The following ARID1B variants were observed in gnomAD, a reference collection of about 807,000 sequenced individuals.
The protein encoded by ARID1B is AT-rich interaction domain 1B.
Under a neutral mutation model 212.3 loss-of-function variants are expected in ARID1B, and 30 were observed. The ratio of observed to expected loss-of-function variants is 0.14; its 90% confidence interval spans 0.11 to 0.19. The LOEUF (loss-of-function observed/expected upper bound fraction) is 0.19, where lower values mean the gene tolerates loss of function less well. Among genes scored for constraint, ARID1B ranks in the 10% least tolerant of loss-of-function variants. ARID1B has a pLI of 1.00. For missense variants in ARID1B, 2,891 were observed against 3,204.0 expected (o/e 0.90, Z 2.36); for synonymous variants, 1,402 against 1,301.7 (o/e 1.08, Z -1.66).
At chr6:157,054,428 AAAT>A (rs1217009875) in intron 4 of ARID1B, among the ~76,000 whole-genome samples, 1 of 152,188 alleles carries the variant, frequency 6.6e-6, no homozygotes, top group East Asian at 1.9e-4. Flanking sequence ...TAGTTTTTTG[AAAT>A]AATGTGTTTG....
chr6:156,860,055 T>A (rs1785218923), intron 2 of ARID1B, among the ~76,000 whole-genome samples: 1 of 152,222 alleles, frequency 6.6e-6, no homozygotes, highest in South Asian at 2.1e-4. Context: ...TCCTGCTCAG[T>A]CAGTTTGTTA....
intron 4 of ARID1B, among the ~76,000 whole-genome samples, chr6:157,070,762 T>C (rs981411440): frequency 6.6e-6 from 1 of 152,208 alleles, no homozygotes; most frequent in Non-Finnish European, 1.5e-5. Flanking sequence ...TTTACGAGCA[T>C]GTGAATTTTT....
At chr6:157,066,493 C>A (rs1303624443) in intron 4 of ARID1B, among the ~76,000 whole-genome samples, 2 of 152,088 alleles carry the variant, frequency 1.3e-5, no homozygotes. Context: ...ATATAAATAT[C>A]TCAATGAAGA....
At chr6:157,154,872 C>T (rs769194325) in intron 8 of ARID1B, among the ~76,000 whole-genome samples, 8 of 152,146 alleles carry the variant, frequency 5.3e-5, no homozygotes, top group African/African-American at 7.2e-5. Flanking sequence ...TGAGCTACTG[C>T]GCCCGGCCTG....
At chr6:157,020,254 G>A (rs927407870) in intron 4 of ARID1B, among the ~76,000 whole-genome samples, 15 of 152,146 alleles carry the variant, frequency 9.9e-5, no homozygotes, top group African/African-American at 3.6e-4. Flanking sequence ...GACCTAAAAT[G>A]TAGTTAGTTC....
chr6:157,053,991 G>A (rs1006842101), intron 4 of ARID1B, among the ~76,000 whole-genome samples: 5 of 152,346 alleles, frequency 3.3e-5, no homozygotes, highest in Admixed American at 3.3e-4. Context: ...TTGGGAGGCT[G>A]AGATGGGTGG....
rs773913163 is a variant in ARID1B, at chr6:157,203,454, G to A, written c.5264-412G>A. ...TGCATACTTGGCGGCCTTCCAGGACGCCACCTTGAGACACTCGTGAGTGGT... is the reference window on the plus strand; with the variant it reads ...TGCATACTTGGCGGCCTTCCAGGACACCACCTTGAGACACTCGTGAGTGGT... On this transcript the variant is annotated intron_variant, in intron 18 of 19. Transcript: ENST00000636930. The surrounding 1 kb of genome is among the most constrained non-coding windows in gnomAD (Gnocchi z 4.4). Among the ~76,000 whole-genome samples the A allele has an allele frequency of 3.9e-5, 6 of 152,194 alleles. No homozygotes were observed. The highest frequency in any genetic ancestry group is 9.7e-5 in the African/African-American group (4 of 41,430).
intron 2 of ARID1B, among the ~76,000 whole-genome samples, chr6:156,853,623 G>A (rs1784723516): frequency 6.6e-6 from 1 of 152,032 alleles, no homozygotes; most frequent in South Asian, 2.1e-4. Flanking sequence ...CACCTTTATG[G>A]CACAGTACTC....
At chr6:157,010,349 G>A (rs1339905689) in intron 4 of ARID1B, among the ~76,000 whole-genome samples, 1 of 146,058 alleles carries the variant, frequency 6.8e-6, no homozygotes, top group Non-Finnish European at 1.5e-5. Context: ...TTTTGAGATG[G>A]AGACTAGCTC....
chr6:157,181,955 A>G (rs559196791), intron 12 of ARID1B, among the ~76,000 whole-genome samples: 1 of 152,320 alleles, frequency 6.6e-6, no homozygotes, highest in South Asian at 2.1e-4. Context: ...GTGTAACAAA[A>G]TCAAGTACAG....
Position 156,901,434 on chromosome 6 carries a change from C to T in ARID1B, c.2045C>T (p.Pro682Leu). The change falls in exon 3 of 20, where the codon CCA becomes CTA. Residue 682 changes from proline to leucine, a missense_variant. Coordinates refer to ENST00000636930, the MANE Select transcript of ARID1B (RefSeq NM_001374828.1). ...VSGYCQQGQQ[P>L]YYSQQPQPPH... The stretch of plus-strand genomic sequence containing the variant: ...GGTTACTGCCAGCAGGGCCAACAGC[C>T]ATATTACAGCCAGCAGCCGCAGCCC... 3 of 1,614,130 alleles carry T rather than the reference C, an allele frequency of 1.9e-6. No individual in the cohort carries two copies. The highest frequency in any genetic ancestry group is 2.5e-6 in the Non-Finnish European group (3 of 1,180,034).
chr6:157,145,088 T>C (rs1042289032), intron 7 of ARID1B, among the ~76,000 whole-genome samples: 4 of 152,144 alleles, frequency 2.6e-5, no homozygotes, highest in African/African-American at 9.7e-5. Context: ...TCTTTCCCAG[T>C]TCCTCAGATC....
chr6:156,904,896 T>A (rs984154778), intron 3 of ARID1B, among the ~76,000 whole-genome samples: 23 of 152,340 alleles, frequency 1.5e-4, no homozygotes, highest in African/African-American at 5.5e-4. Flanking sequence ...ATTTCATGTT[T>A]AGTCTTGGGT....
chr6:157,142,655 C>T (rs534204205), intron 7 of ARID1B, among the ~76,000 whole-genome samples: 1 of 151,614 alleles, frequency 6.6e-6, no homozygotes, highest in Admixed American at 6.6e-5. Flanking sequence ...AAAACAACAA[C>T]AAAAAAAACA....
intron 4 of ARID1B, among the ~76,000 whole-genome samples, chr6:157,077,390 T>C (rs1784374285): frequency 6.6e-6 from 1 of 152,202 alleles, no homozygotes; most frequent in Non-Finnish European, 1.5e-5. Context: ...TGTAGGCCCC[T>C]GTTCCTTGGC....
At chr6:157,037,756 T>G (rs1474670301) in intron 4 of ARID1B, among the ~76,000 whole-genome samples, 2 of 152,106 alleles carry the variant, frequency 1.3e-5, no homozygotes, top group African/African-American at 2.4e-5. Flanking sequence ...CAGAGACCAG[T>G]CAAAAGCAGT....
rs556066900 is a variant in ARID1B at position 156,815,188 on chromosome 6, C to A, written c.1792-14039C>A. On this transcript the variant is annotated intron_variant, in intron 1 of 19. Transcript: ENST00000636930. ...GAAATGGCTGGCAGTAGACAAGTAG[C>A]ATGCCACTGTAAGATAGTGCTCTTT... Among the ~76,000 whole-genome samples the A allele has an allele frequency of 5.8e-4, 88 of 152,240 alleles. 1 individual carries two copies. Among genetic ancestry groups the A allele is most frequent in the Middle Eastern group, 3.4e-3 (1 of 294 alleles).
At chr6:156,922,917 G>A (rs955563664) in intron 3 of ARID1B, among the ~76,000 whole-genome samples, 39 of 152,230 alleles carry the variant, frequency 2.6e-4, no homozygotes, top group African/African-American at 9.4e-4. Context: ...AAGGCCTCCT[G>A]TGGCCCTCCA....
intron 1 of ARID1B, among the ~76,000 whole-genome samples, chr6:156,807,122 C>T (rs913061860): frequency 2.6e-5 from 4 of 151,746 alleles, no homozygotes; most frequent in South Asian, 2.1e-4. Context: ...TTTCCAGTTC[C>T]GTCCAAGTAT....
Sources: allele counts gnomAD v4.1 joint callset (sites outside exome capture counted in the v4.1 genomes callset), GRCh38; gene constraint gnomAD v4.1.1; non-coding constraint Gnocchi (gnomAD v3.1); transcripts MANE v1.5; gene names NCBI Gene and HGNC (gene_info 2026-07-23, HGNC 2026-07-21).